The following SS18 variants were observed in gnomAD, a reference collection of about 807,000 sequenced individuals.
SS18 encodes SS18 subunit of BAF chromatin remodeling complex.
In SS18, 28 loss-of-function variants were observed where a neutral mutation model predicts 72.5. That is an observed-to-expected ratio of 0.39 (90% CI 0.29 to 0.53). The LOEUF is 0.53. Among genes scored for constraint, SS18 ranks in the 20% least tolerant of loss-of-function variants. The pLI is 0.76. For synonymous variants in SS18, 172 were observed against 164.2 expected (o/e 1.05, Z -0.37); for missense variants, 518 against 535.3 (o/e 0.97, Z 0.32).
intron 2 of SS18, among the ~76,000 whole-genome samples, chr18:26,084,451 G>A (rs905873614): frequency 6.6e-6 from 1 of 152,158 alleles, no homozygotes; most frequent in South Asian, 2.1e-4. Context: ...GAGAAACAAT[G>A]TAAATGTGCC....
chr18:26,066,600 G>GCGCA (rs148515889), intron 3 of SS18, among the ~76,000 whole-genome samples: 2,364 of 144,416 alleles, frequency 0.016, 41 homozygotes, highest in African/African-American at 0.052. Flanking sequence ...GGAAATTTGT[G>GCGCA]CACACACACA....
At position 26,071,008 on chromosome 18, in the gene SS18, T is replaced by C. The variant is rs115730778; in HGVS notation, c.231+7068A>G. On this transcript the variant is annotated intron_variant, in intron 3 of 10. Transcript: ENST00000415083. The stretch of plus-strand genomic sequence containing the variant: ...ATATTAGGAACTCAAGGGATAGGTA[T>C]AACAGATTAGGCCCAGTGAAAAATG... 5.4e-3 allele frequency among the ~76,000 whole-genome samples: 824 copies of C among 152,222 alleles called. 5 individuals are homozygous for C. Among genetic ancestry groups the C allele is most frequent in the Middle Eastern group, 0.02 (6 of 294 alleles).
chr18:26,060,762 T>TA (rs2054104526), intron 3 of SS18, among the ~76,000 whole-genome samples: 1 of 17,828 alleles, frequency 5.6e-5, no homozygotes, highest in African/African-American at 9.6e-5. Flanking sequence ...CTGTCTCTAC[T>TA]AAAAATACCA....
intron 4 of SS18, among the ~76,000 whole-genome samples, chr18:26,053,869 T>C (rs1185555314): frequency 6.6e-6 from 1 of 152,192 alleles, no homozygotes; most frequent in Non-Finnish European, 1.5e-5. Flanking sequence ...TTATATTTCA[T>C]GGGGAATCAA....
intron 4 of SS18, among the ~76,000 whole-genome samples, chr18:26,053,506 C>T (rs565168771): frequency 4.1e-4 from 62 of 151,512 alleles, no homozygotes; most frequent in African/African-American, 1.3e-3. Context: ...AAAATTTGCA[C>T]GACATAAAAA....
chr18:26,070,429 C>G (rs994795869), intron 3 of SS18, among the ~76,000 whole-genome samples: 1 of 152,130 alleles, frequency 6.6e-6, no homozygotes, highest in African/African-American at 2.4e-5. Flanking sequence ...CCCATTTTTG[C>G]TATTTGCTGT....
chr18:26,068,588 G>A (rs2054259468), intron 3 of SS18: 1 of 152,202 alleles, frequency 6.6e-6, no homozygotes, highest in African/African-American at 2.4e-5. Context: ...AAGACCAAAT[G>A]TTAGTCAGAG....
At chr18:26,048,190 A>G (rs2053862967) in intron 5 of SS18, among the ~76,000 whole-genome samples, 1 of 152,240 alleles carries the variant, frequency 6.6e-6, no homozygotes, top group South Asian at 2.1e-4. Context: ...ACCTTTATTG[A>G]AAACAATTTG....
At chr18:26,024,224 G>C (rs1164790050) in intron 10 of SS18, among the ~76,000 whole-genome samples, 1 of 152,178 alleles carries the variant, frequency 6.6e-6, no homozygotes, top group African/African-American at 2.4e-5. Flanking sequence ...GAGTATTTAA[G>C]TATTTAAGGC....
rs533983069 is a variant in SS18, at chr18:26,067,578, A to C, written c.232-9836T>G. Among the ~76,000 whole-genome samples, 5 of 152,294 alleles carry C rather than the reference A, an allele frequency of 3.3e-5. No homozygotes were observed. In the East Asian group the frequency reaches 9.6e-4, roughly 29 times the overall value. On this transcript the variant is annotated intron_variant, in intron 3 of 10. Coordinates refer to ENST00000415083, the MANE Select transcript of SS18 (RefSeq NM_001007559.3). Reference sequence around the variant, plus strand: ...GTATTTGGCAACCATCAATGTTTAGATGGAACACCTGAAGTCAAGAATATA... The same window carrying C: ...GTATTTGGCAACCATCAATGTTTAGCTGGAACACCTGAAGTCAAGAATATA...
chr18:26,035,159 C>A lies in SS18; in HGVS notation c.974-32G>T. ...GATAATTGGAGAAGAGGAAAAAAAA[C>A]TGAGAAGTCTGCTTAAGTAACTTTT... On this transcript the variant is annotated intron_variant, in intron 8 of 10. Coordinates refer to ENST00000415083, the MANE Select transcript of SS18 (RefSeq NM_001007559.3). This position sits in a 1 kb window ranked among gnomAD's most constrained non-coding sequence, Gnocchi z 4.4. 1.2e-6 allele frequency: 2 copies of A among 1,606,194 alleles called. No homozygotes were observed. Among genetic ancestry groups the A allele is most frequent in the Non-Finnish European group, 1.7e-6 (2 of 1,175,462 alleles).
chr18:26,066,211 T>C (rs1336269219), intron 3 of SS18, among the ~76,000 whole-genome samples: 1 of 152,102 alleles, frequency 6.6e-6, no homozygotes, highest in African/African-American at 2.4e-5. Context: ...ATGATTATAT[T>C]TGCTTATTAC....
At chr18:26,038,131 G>GA (rs2053656302) in intron 7 of SS18, among the ~76,000 whole-genome samples, 1 of 151,948 alleles carries the variant, frequency 6.6e-6, no homozygotes, top group Non-Finnish European at 1.5e-5. Flanking sequence ...ATGAGACTTG[G>GA]AAAAATAACT....
chr18:26,076,376 G>A (rs568077442), intron 3 of SS18, among the ~76,000 whole-genome samples: 10 of 151,340 alleles, frequency 6.6e-5, no homozygotes, highest in Non-Finnish European at 1.2e-4. Flanking sequence ...ACATATAAAC[G>A]GACACCTGAT....
At chr18:26,057,235 G>C (rs893405847) in intron 4 of SS18, among the ~76,000 whole-genome samples, 1 of 152,124 alleles carries the variant, frequency 6.6e-6, no homozygotes, top group African/African-American at 2.4e-5. Flanking sequence ...TAAAAACTCA[G>C]GGAAATGTTA....
At chr18:26,062,911 A>G (rs2054148705) in intron 3 of SS18, among the ~76,000 whole-genome samples, 1 of 152,194 alleles carries the variant, frequency 6.6e-6, no homozygotes, top group Non-Finnish European at 1.5e-5. Context: ...AAAACAGAAT[A>G]ATCCAAAATA....
intron 3 of SS18, among the ~76,000 whole-genome samples, chr18:26,066,903 T>C (rs2054230148): frequency 6.6e-6 from 1 of 152,198 alleles, no homozygotes; most frequent in Non-Finnish European, 1.5e-5. Flanking sequence ...AATCACATCT[T>C]CTGCTGTTTC....
intron 5 of SS18, among the ~76,000 whole-genome samples, chr18:26,046,021 T>C (rs1164235793): frequency 6.6e-6 from 1 of 151,624 alleles, no homozygotes; most frequent in Non-Finnish European, 1.5e-5. Context: ...ACCCCATCTC[T>C]ACTAAAAATA....
At chr18:26,023,507 T>C (rs1411518656) in intron 10 of SS18, 1 of 422,678 alleles carries the variant, frequency 2.4e-6, no homozygotes, top group Non-Finnish European at 4.4e-6. Flanking sequence ...AAAAAAGACA[T>C]ATTAACTACA....
Sources: allele counts gnomAD v4.1 joint callset (sites outside exome capture counted in the v4.1 genomes callset), GRCh38; gene constraint gnomAD v4.1.1; non-coding constraint Gnocchi (gnomAD v3.1); transcripts MANE v1.5; gene names NCBI Gene and HGNC (gene_info 2026-07-23, HGNC 2026-07-21).